Variants in ROBO1 observed in about 807,000 individuals in gnomAD.
The protein encoded by ROBO1 is roundabout guidance receptor 1, also known as roundabout homolog 1.
ROBO1 carries 149 observed loss-of-function variants against 195.9 expected under a neutral mutation model. That is an observed-to-expected ratio of 0.76 (90% CI 0.67 to 0.87). ROBO1 has a LOEUF of 0.87. ROBO1 is among the 40% of genes least tolerant of loss of function. The pLI is 0.00. For synonymous variants in ROBO1, 816 were observed against 733.2 expected (o/e 1.11, Z -1.82); for missense variants, 1,933 against 2,068.3 (o/e 0.93, Z 1.27).
At chr3:79,042,143 C>T (rs1027597971) in intron 3 of ROBO1, among the ~76,000 whole-genome samples, 8 of 152,164 alleles carry the variant, frequency 5.3e-5, no homozygotes, top group East Asian at 1.9e-4. Context: ...CAGATATACA[C>T]ATACATACAG....
chr3:79,732,638 TC>T (rs1219730947), intron 1 of ROBO1, among the ~76,000 whole-genome samples: 1 of 152,138 alleles, frequency 6.6e-6, no homozygotes, highest in African/African-American at 2.4e-5. Context: ...AGAAAAAACT[TC>T]CTTTACTCAA....
rs761367544 is a variant in ROBO1, at chr3:78,631,238, T to A, written c.3549A>T (p.Ala1183=). ...GTGCTGGGGGAGGAGGAAGCAGGTC[T>A]GCCCAGTTCATGCCACCCTGTTTTG... ...KVPKQGGMNW[A]DLLPPPPAHP... The change falls in exon 25 of 31, where the codon GCA becomes GCT. Residue 1183 remains alanine (A), a synonymous_variant. Transcript: ENST00000464233. 1 of 1,613,530 alleles carries A rather than the reference T, an allele frequency of 6.2e-7. No individual in the cohort carries two copies.
intron 2 of ROBO1, among the ~76,000 whole-genome samples, chr3:79,315,908 A>C (rs531407277): frequency 6.6e-6 from 1 of 152,324 alleles, no homozygotes; most frequent in East Asian, 1.9e-4. Flanking sequence ...CAAAGCTTTT[A>C]AAGAATAAGC....
At chr3:79,290,041 TC>T (rs2032145536) in intron 2 of ROBO1, among the ~76,000 whole-genome samples, 1 of 152,066 alleles carries the variant, frequency 6.6e-6, no homozygotes, top group East Asian at 1.9e-4. Context: ...CCTTTCCTTT[TC>T]TTTTTTCTTT....
At chr3:78,842,139 GT>G (rs34583257) in intron 4 of ROBO1, among the ~76,000 whole-genome samples, 16,591 of 62,288 alleles carry the variant, frequency 0.27, 2,128 homozygotes, top group East Asian at 0.59. Flanking sequence ...TCGCCAATTT[GT>G]TTTTTTTTTT....
chr3:79,021,651 ATTTTTTTT>A (rs71127372), intron 3 of ROBO1, among the ~76,000 whole-genome samples: 1 of 76,886 alleles, frequency 1.3e-5, no homozygotes. Context: ...CCTAGAGATG[ATTTTTTTT>A]TTTTTTTTTT....
chr3:79,046,080 A>G (rs1462512676), intron 3 of ROBO1, among the ~76,000 whole-genome samples: 2 of 152,104 alleles, frequency 1.3e-5, no homozygotes, highest in African/African-American at 4.8e-5. Flanking sequence ...TGTATAACAG[A>G]ATAGAGTAAA....
At chr3:78,605,120 T>C (rs1703392385) in intron 29 of ROBO1, among the ~76,000 whole-genome samples, 1 of 152,218 alleles carries the variant, frequency 6.6e-6, no homozygotes, top group Non-Finnish European at 1.5e-5. Flanking sequence ...AAAAACATAT[T>C]GCAAGATCCC....
intron 28 of ROBO1, chr3:78,607,276 A>G (rs887606566): frequency 6.4e-6 from 3 of 469,708 alleles, no homozygotes; most frequent in African/African-American, 5.9e-5. Flanking sequence ...GCAGGTGCGC[A>G]GTCTCAGCTC....
At chr3:79,332,940 G>A (rs1363837646) in intron 2 of ROBO1, among the ~76,000 whole-genome samples, 2 of 152,102 alleles carry the variant, frequency 1.3e-5, no homozygotes, top group South Asian at 2.1e-4. Context: ...GGTGGCTTAC[G>A]CCTGTAATCC....
At chr3:79,075,297 A>C (rs1215200985) in intron 3 of ROBO1, among the ~76,000 whole-genome samples, 1 of 151,994 alleles carries the variant, frequency 6.6e-6, no homozygotes, top group Non-Finnish European at 1.5e-5. Flanking sequence ...TGATGTAAAC[A>C]TATAGCTTCC....
At chr3:79,493,507 G>T (rs938004107) in intron 2 of ROBO1, among the ~76,000 whole-genome samples, 3 of 151,870 alleles carry the variant, frequency 2.0e-5, no homozygotes, top group African/African-American at 7.2e-5. Flanking sequence ...ATTTTTAAAG[G>T]ATTACATTGG....
chr3:79,030,038 T>C (rs1162782876), intron 3 of ROBO1, among the ~76,000 whole-genome samples: 19 of 152,362 alleles, frequency 1.2e-4, no homozygotes, highest in Non-Finnish European at 2.9e-5. Context: ...AACACTTAGC[T>C]AGACAAAAAG....
chr3:78,857,356 A>G (rs1433644095), intron 4 of ROBO1, among the ~76,000 whole-genome samples: 2 of 152,208 alleles, frequency 1.3e-5, no homozygotes, highest in African/African-American at 4.8e-5. Context: ...TTAACATTTT[A>G]AAATTTTAAA....
chr3:79,313,136 G>A (rs1354566752), intron 2 of ROBO1, among the ~76,000 whole-genome samples: 4 of 148,256 alleles, frequency 2.7e-5, no homozygotes, highest in Non-Finnish European at 4.4e-5. Flanking sequence ...GCAGTGAGCC[G>A]AGATCATGCC....
chr3:78,872,307 C>G (rs935920200), intron 4 of ROBO1, among the ~76,000 whole-genome samples: 1 of 152,156 alleles, frequency 6.6e-6, no homozygotes. Context: ...GACAACCTTC[C>G]CAGAACTGCC....
At chr3:79,627,646 A>G (rs933370123) in intron 1 of ROBO1, among the ~76,000 whole-genome samples, 3 of 152,098 alleles carry the variant, frequency 2.0e-5, no homozygotes, top group Non-Finnish European at 4.4e-5. Context: ...CAAAATTAAC[A>G]AATGGGATCT....
chr3:78,988,518 C>T (rs1437174101), intron 3 of ROBO1, among the ~76,000 whole-genome samples: 1 of 152,142 alleles, frequency 6.6e-6, no homozygotes, highest in Non-Finnish European at 1.5e-5. Flanking sequence ...CTTTTATCCC[C>T]ACCTGCTGGA....
rs112052612 is a variant in ROBO1, at chr3:79,629,528, A to G, written c.-50-39567T>C. ...GGAGGGTTTATAGCATTAAATGCCT[A>G]CATCAAAATACAGAAATATCTCAAA... On this transcript the variant is annotated intron_variant, in intron 1 of 30. Transcript: ENST00000464233. Among the ~76,000 whole-genome samples, 848 of 152,184 alleles carry G rather than the reference A, an allele frequency of 5.6e-3. 5 individuals carry two copies. Among genetic ancestry groups the G allele is most frequent in the Middle Eastern group, 0.031 (9 of 292 alleles).
Sources: allele counts gnomAD v4.1 joint callset (sites outside exome capture counted in the v4.1 genomes callset), GRCh38; gene constraint gnomAD v4.1.1; transcripts MANE v1.5; gene names NCBI Gene and HGNC (gene_info 2026-07-23, HGNC 2026-07-21).